Variants in ZNF540 observed in about 807,000 individuals in gnomAD.
ZNF540 encodes the protein CTD-3064H18.6.
In ZNF540, 3 loss-of-function variants were observed where a neutral mutation model predicts 11.8. The observed-to-expected ratio is 0.25, with a 90% CI of 0.12 to 0.65. The LOEUF is 0.65. Among genes scored for constraint, ZNF540 ranks in the 30% least tolerant of loss-of-function variants. The probability of loss-of-function intolerance (pLI) is 0.83; values close to 1 mark genes in which losing one functional copy is unlikely to be tolerated. For synonymous variants in ZNF540, 247 were observed against 259.0 expected (o/e 0.95, Z 0.45); for missense variants, 709 against 793.1 (o/e 0.89, Z 1.27).
intron 1 of ZNF540, among the ~76,000 whole-genome samples, chr19:37,589,528 T>C (rs989378857): frequency 2.0e-5 from 3 of 152,004 alleles, no homozygotes; most frequent in African/African-American, 7.2e-5. Context: ...AAAATGCTCA[T>C]CATTTAAATA....
intron 1 of ZNF540, among the ~76,000 whole-genome samples, chr19:37,573,162 G>A (rs1318008965): frequency 6.6e-6 from 1 of 150,788 alleles, no homozygotes; most frequent in Non-Finnish European, 1.5e-5. Context: ...ACTCTTTATT[G>A]GATGAAAAAC....
chr19:37,571,688 G>T (rs552141714), intron 1 of ZNF540, among the ~76,000 whole-genome samples: 5 of 152,212 alleles, frequency 3.3e-5, no homozygotes, highest in African/African-American at 1.2e-4. Context: ...CAATATTTTT[G>T]ACATTATCCA....
intron 2 of ZNF540, 60 bp downstream of exon 2, chr19:37,598,516 T>C (rs144184024): frequency 2.5e-6 from 4 of 1,583,494 alleles, no homozygotes; most frequent in Middle Eastern, 1.7e-4. Context: ...CATGTGAACA[T>C]TTTCACTCTT....
At chr19:37,575,291 ATCATAC>A (rs1324781780) in intron 1 of ZNF540, among the ~76,000 whole-genome samples, 2 of 152,352 alleles carry the variant, frequency 1.3e-5, no homozygotes, top group East Asian at 3.9e-4. Flanking sequence ...TACATGTGTA[ATCATAC>A]ATTAAGATCC....
intron 1 of ZNF540, among the ~76,000 whole-genome samples, chr19:37,568,868 C>T (rs189281437): frequency 3.3e-5 from 5 of 152,170 alleles, no homozygotes; most frequent in Admixed American, 2.6e-4. Flanking sequence ...ATTCTTGCCC[C>T]CATCAAGTCC....
rs373773086 is a variant in ZNF540 at position 37,611,578 on chromosome 19, T to G, written c.298T>G (p.Ser100Ala). The G allele has an allele frequency of 5.6e-6, 9 of 1,613,014 alleles. No individual in the cohort carries two copies. Among genetic ancestry groups the G allele is most frequent in the Non-Finnish European group, 7.6e-6 (9 of 1,179,786 alleles). Reference protein sequence around the residue: ...SEKDIHEISLSKESIIEKSKT... With the variant: ...SEKDIHEISLAKESIIEKSKT... ...AAAGGACATTCATGAAATCAGTTTA[T>G]CCAAAGAGAGTATAATAGAAAAAAG... Residue 100 changes from serine (S) to alanine (A), a missense_variant, in exon 5 of 5, where the codon TCC becomes GCC. Physicochemically the swap from Ser to Ala is moderately conservative, Grantham distance 99. Coordinates refer to ENST00000316433, the MANE Select transcript of ZNF540 (RefSeq NM_001172225.3).
rs761898930 is a variant in ZNF540 at position 37,612,419 on chromosome 19, A to G, written c.1139A>G (p.Lys380Arg). 1.5e-5 allele frequency: 24 copies of G among 1,613,884 alleles called. No individual in the cohort carries two copies. The South Asian group carries it at 1.9e-4, about 13-fold the overall frequency. ...LTEHRRTHAG[K>R]KPYECKECGK... is the part of the protein sequence containing the mutation. Reference sequence around the variant, plus strand: ...GAACACAGAAGAACTCATGCAGGTAAGAAACCTTATGAATGTAAGGAGTGT... The same window carrying G: ...GAACACAGAAGAACTCATGCAGGTAGGAAACCTTATGAATGTAAGGAGTGT... The change falls in exon 5 of 5, where the codon AAG becomes AGG. Residue 380 changes from lysine to arginine, a missense_variant. Physicochemically the swap from Lys to Arg is conservative, Grantham distance 26. Transcript: ENST00000316433.
In ZNF540 at chr19:37,611,690, G is replaced by A. The variant is rs2044129982; in HGVS notation, c.410G>A (p.Arg137Lys). The change falls in exon 5 of 5, where the codon AGA becomes AAA. Residue 137 changes from arginine (R) to lysine (K), a missense_variant. Physicochemically the swap from Arg to Lys is conservative, Grantham distance 26. Coordinates refer to ENST00000316433, the MANE Select transcript of ZNF540 (RefSeq NM_001172225.3). ...GAGGGTCAACAGGGACTTAAAGAAA[G>A]ATCTATCAGTCAAAAGAAAATCGTC... ...EFEGQQGLKE[R>K]SISQKKIVSK... is the part of the protein sequence containing the mutation. The A allele has an allele frequency of 6.2e-7, 1 of 1,613,850 alleles. No individual in the cohort carries two copies.
rs953682404 is a variant in ZNF540, at chr19:37,569,010, G to A, written c.-73+17345G>A. ...CTCGCTCTGTCATCCAGGCTGGAGT[G>A]CAGTCGTGCCATCTCAGCTCACTGC... On this transcript the variant is annotated intron_variant, in intron 1 of 4. Coordinates refer to the ZNF540 transcript ENST00000592533. This position sits in a 1 kb window ranked among gnomAD's most constrained non-coding sequence, Gnocchi z 4.4. 2.0e-5 allele frequency among the ~76,000 whole-genome samples: 3 copies of A among 151,848 alleles called. No individual in the cohort carries two copies. The highest frequency in any genetic ancestry group is 4.8e-5 in the African/African-American group (2 of 41,312).
intron 1 of ZNF540, chr19:37,556,147 G>A (rs778128524): frequency 3.7e-5 from 26 of 702,288 alleles, no homozygotes; most frequent in Middle Eastern, 4.6e-4. Context: ...TGCTCTTCGC[G>A]GGTACGGGCT....
At chr19:37,576,886 AAGGACTTGG>A (rs1568350789) in intron 1 of ZNF540, among the ~76,000 whole-genome samples, 1 of 152,148 alleles carries the variant, frequency 6.6e-6, no homozygotes, top group African/African-American at 2.4e-5. Context: ...TTAAAACACA[AAGGACTTGG>A]CAGTGCTTAT....
At chr19:37,563,627 C>T (rs930953402) in intron 1 of ZNF540, 1 of 150,998 alleles carries the variant, frequency 6.6e-6, no homozygotes, top group Admixed American at 6.6e-5. Flanking sequence ...GGAATGTATA[C>T]ATATGTGGAA....
intron 4 of ZNF540, among the ~76,000 whole-genome samples, chr19:37,605,351 TA>T (rs201052458): frequency 1.3e-5 from 2 of 149,934 alleles, no homozygotes; most frequent in Non-Finnish European, 3.0e-5. Context: ...AAACTTTATT[TA>T]AAAAAAAAGA....
chr19:37,607,051 CTTT>C (rs974510368), intron 4 of ZNF540, among the ~76,000 whole-genome samples: 3 of 151,752 alleles, frequency 2.0e-5, no homozygotes, highest in African/African-American at 7.3e-5. Flanking sequence ...TAATCAACTT[CTTT>C]ATCAGATATA....
At chr19:37,602,334 A>G (rs2044045741) in intron 4 of ZNF540, among the ~76,000 whole-genome samples, 3 of 152,180 alleles carry the variant, frequency 2.0e-5, no homozygotes, top group Admixed American at 1.3e-4. Context: ...TGTTGAACAG[A>G]GATGGTAGGA....
At chr19:37,599,205 C>T (rs111895421) in intron 2 of ZNF540, among the ~76,000 whole-genome samples, 111 of 151,436 alleles carry the variant, frequency 7.3e-4, no homozygotes, top group African/African-American at 2.4e-3. Flanking sequence ...GATAGATAAA[C>T]TTAAAGGAAA....
At position 37,612,002 on chromosome 19, in the gene ZNF540, A is replaced by G. The variant is rs1276719739; in HGVS notation, c.722A>G (p.Lys241Arg). ...CATCAGAGATTTCATACTGGTGAGA[A>G]ACCCTATGAATGTCAAGAATGTGGG... ...TLHQRFHTGE[K>R]PYECQECGKT... is the part of the protein sequence containing the mutation. The change falls in exon 5 of 5, where the codon AAA (lysine) becomes AGA (arginine). Residue 241 changes from lysine to arginine, a missense_variant. Transcript: ENST00000316433. 2.5e-6 allele frequency: 4 copies of G among 1,613,636 alleles called. No individual in the cohort carries two copies. The highest frequency in any genetic ancestry group is 3.4e-6 in the Non-Finnish European group (4 of 1,179,978).
intron 4 of ZNF540, among the ~76,000 whole-genome samples, chr19:37,608,621 T>C (rs2044102775): frequency 6.7e-6 from 1 of 149,080 alleles, no homozygotes; most frequent in Admixed American, 6.8e-5. Context: ...TACTGGGTAA[T>C]GGGAAACATA....
rs1383622554 is a variant in ZNF540 at position 37,566,272 on chromosome 19, C to A, written c.-73+14607C>A. 7 of 1,611,886 alleles carry A rather than the reference C, an allele frequency of 4.3e-6. No individual in the cohort carries two copies. In the African/African-American group the frequency reaches 5.3e-5, roughly 12 times the overall value. ...CCTTTTCTGGAGATAACTTTTTGGT[C>A]ACACAACTGGATTCCAAGTCTGTAG... On this transcript the variant is annotated intron_variant, in intron 1 of 4. Transcript: ENST00000592533.
Sources: allele counts gnomAD v4.1 joint callset (sites outside exome capture counted in the v4.1 genomes callset), GRCh38; gene constraint gnomAD v4.1.1; non-coding constraint Gnocchi (gnomAD v3.1); transcripts MANE v1.5; gene names NCBI Gene and HGNC (gene_info 2026-07-23, HGNC 2026-07-21).